Variants in CCNA1 observed in about 807,000 individuals in gnomAD.
CCNA1 encodes the protein cyclin-A1.
In CCNA1, 23 loss-of-function variants were observed where a neutral mutation model predicts 54.1. That is an observed-to-expected ratio of 0.42 (90% confidence interval 0.31 to 0.60). The LOEUF is 0.60. Among genes scored for constraint, CCNA1 ranks in the 20% least tolerant of loss-of-function variants. CCNA1 has a pLI of 0.14. For synonymous variants in CCNA1, 208 were observed against 213.9 expected, an observed-to-expected ratio of 0.97 and a Z score of 0.24; for missense variants, 450 against 556.7, an observed-to-expected ratio of 0.81 and a Z score of 1.93.
chr13:36,442,357 T>C, intron 8 of CCNA1, 53 bp downstream of exon 8: 6 of 1,567,412 alleles, frequency 3.8e-6, no homozygotes, highest in Non-Finnish European at 5.3e-6. Flanking sequence ...CTTAATGGGT[T>C]ATAGTAATGG....
At chr13:36,435,562 A>T (rs569783888) in intron 2 of CCNA1, among the ~76,000 whole-genome samples, 1 of 152,344 alleles carries the variant, frequency 6.6e-6, no homozygotes, top group Non-Finnish European at 1.5e-5. Flanking sequence ...TTTTCTACCT[A>T]GCTCATTGGC....
At chr13:36,433,897 A>C (rs1011594677) in intron 2 of CCNA1, among the ~76,000 whole-genome samples, 10 of 152,126 alleles carry the variant, frequency 6.6e-5, no homozygotes, top group African/African-American at 2.4e-4. Flanking sequence ...AATAGTGATT[A>C]GTTTTCTTTG....
At chr13:36,438,543 C>T in intron 4 of CCNA1, 101 bp from the exon 5 acceptor site, 1 of 815,364 alleles carries the variant, frequency 1.2e-6, no homozygotes, top group Non-Finnish European at 2.0e-6. Context: ...TGATCAGAAT[C>T]TTTCCAACCT....
intron 2 of CCNA1, among the ~76,000 whole-genome samples, chr13:36,436,844 G>T (rs568879157): frequency 7.2e-4 from 109 of 152,288 alleles, no homozygotes; most frequent in African/African-American, 2.5e-3. Flanking sequence ...TGTTAATGTG[G>T]TAGACAGAGC....
intron 2 of CCNA1, among the ~76,000 whole-genome samples, chr13:36,433,980 T>C (rs2055769400): frequency 6.6e-6 from 1 of 152,214 alleles, no homozygotes; most frequent in African/African-American, 2.4e-5. Context: ...ATTTAAGGGC[T>C]GGGCTAAAAG....
intron 2 of CCNA1, among the ~76,000 whole-genome samples, chr13:36,435,303 G>A (rs1322942304): frequency 6.6e-6 from 1 of 152,220 alleles, no homozygotes; most frequent in Non-Finnish European, 1.5e-5. Context: ...CCATCCAGGT[G>A]TTGATTTAGG....
chr13:36,438,613 C>A (rs78131831), intron 4 of CCNA1, 31 bp from the exon 5 acceptor site: 1 of 1,507,266 alleles, frequency 6.6e-7, no homozygotes, highest in Non-Finnish European at 9.2e-7. Context: ...GAAATTGCAA[C>A]TACTAAATAT....
rs752529559 is a variant in CCNA1, at chr13:36,437,610, AG to A, written c.298-18del. On this transcript the variant is annotated intron_variant, in intron 2 of 8. Transcript: ENST00000255465. ...GGTCTTTGACGTGGCCTCTAACAAA[AG>A]ATTTAAACGTTTTTTAGGGGATCAC... The A allele has an allele frequency of 4.3e-6, 7 of 1,611,904 alleles. No individual in the cohort carries two copies. The East Asian group carries it at 1.6e-4, about 36-fold the overall frequency.
intron 2 of CCNA1, 117 bp from the exon 3 acceptor site, chr13:36,437,490 TGGAATTAAATTGCCGACATAGA>T: frequency 2.5e-6 from 2 of 806,048 alleles, no homozygotes; most frequent in Non-Finnish European, 2.0e-6. Flanking sequence ...CTTTTTTTTT[TGGAATTAAATTGCCGACATAGA>T]TTTTTCAGTT....
Position 36,436,714 on chromosome 13 carries a change from G to A in CCNA1, c.298-915G>A, listed in dbSNP as rs1372336445. Among the ~76,000 whole-genome samples the A allele has an allele frequency of 3.9e-5, 6 of 152,096 alleles. No homozygotes were observed. In the East Asian group the frequency reaches 5.8e-4, roughly 15 times the overall value. On this transcript the variant is annotated intron_variant, in intron 2 of 8. Coordinates refer to ENST00000255465, the MANE Select transcript of CCNA1 (RefSeq NM_003914.4). Reference sequence around the variant, plus strand: ...CCCCCAATTACTACCATAAGTGTTCGTTTTCTTACAGACATAAGTCACCTA... The same window carrying A: ...CCCCCAATTACTACCATAAGTGTTCATTTTCTTACAGACATAAGTCACCTA...
chr13:36,441,112 G>A lies in CCNA1; in HGVS notation c.1099-6G>A, dbSNP rs1475718788. The stretch of plus-strand genomic sequence containing the variant: ...ATTCCAATGTGTTTTCTTCTCTTGT[G>A]CTTAGTACGTAGCAGAGCTGAGTCT... On this transcript the variant is annotated splice_region_variant and splice_polypyrimidine_tract_variant and intron_variant, in intron 6 of 8. Coordinates refer to ENST00000255465, the MANE Select transcript of CCNA1 (RefSeq NM_003914.4). 2.0e-6 allele frequency: 3 copies of A among 1,504,714 alleles called. No homozygotes were observed. The highest frequency in any genetic ancestry group is 2.8e-6 in the Non-Finnish European group (3 of 1,085,272). 93.2% of individuals were successfully genotyped at this position (1,504,714 alleles called of 1,614,324 possible). A position where few individuals can be genotyped will look rare whatever the true frequency, so the allele number is the denominator to read the frequency against.
In CCNA1 at chr13:36,433,545, C is replaced by CT. The variant is rs71711184; in HGVS notation, c.297+337dup. ...TTTTTTTCTTTCCTTTCCTTTCCTT[C>CT]TTTTTTTTTTTTTGAGACGGAGTTT... On this transcript the variant is annotated intron_variant, in intron 2 of 8. Coordinates refer to ENST00000255465, the MANE Select transcript of CCNA1 (RefSeq NM_003914.4). Among the ~76,000 whole-genome samples the CT allele has an allele frequency of 4.9e-3, 511 of 104,122 alleles. 8 individuals are homozygous for CT. The highest frequency in any genetic ancestry group is 0.012 in the African/African-American group (315 of 27,072). The allele number at this position is 104,122 out of a possible 152,430, so 68.3% of individuals were successfully genotyped here.
Position 36,442,733 on chromosome 13 carries a change from T to C in CCNA1, c.*68T>C. 7.9e-7 allele frequency: 1 copy of C among 1,261,430 alleles called. No homozygotes were observed. The allele number at this position is 1,261,430 out of a possible 1,614,324, so 78.1% of individuals were successfully genotyped here. ...GAAGTGCCAATAATCGTCATAGGCT[T>C]CTGCACGTTGGATCAACTAATGTTG... On this transcript the variant is annotated 3_prime_UTR_variant, in exon 9 of 9. Transcript: ENST00000255465.
At chr13:36,437,588 C>T (rs1593323672) in intron 2 of CCNA1, 41 bp from the exon 3 acceptor site, 3 of 1,600,404 alleles carry the variant, frequency 1.9e-6, no homozygotes, top group Middle Eastern at 1.7e-4. Context: ...CCTCTGTGGT[C>T]TTTGACGTGG....
chr13:36,436,998 T>A (rs1000039439), intron 2 of CCNA1, among the ~76,000 whole-genome samples: 2 of 152,170 alleles, frequency 1.3e-5, no homozygotes, highest in Admixed American at 1.3e-4. Context: ...GGCACCACAG[T>A]TGTTCCCATT....
chr13:36,433,288 C>A, intron 2 of CCNA1, 67 bp downstream of exon 2: 1 of 1,339,630 alleles, frequency 7.5e-7, no homozygotes, highest in Non-Finnish European at 1.0e-6. Flanking sequence ...GTGCCAGGTG[C>A]TTTTCTCTTG....
At position 36,433,096 on chromosome 13, in the gene CCNA1, A is replaced by G. The variant is rs370964964; in HGVS notation, c.172A>G (p.Thr58Ala). ...CCCCAAGAGTGGAGTTGTGCTGGCT[A>G]CAGTGGCCCGAGGTCCCGATGCTTG... is the stretch of plus-strand genomic sequence containing the variant. The change falls in exon 2 of 9, where the codon ACA becomes GCA. Residue 58 changes from threonine to alanine, a missense_variant. Thr to Ala is a moderately conservative substitution (Grantham distance 58, BLOSUM62 0). This residue lies in a region of CCNA1 where 103 missense variants were observed against 100.9 expected (regional missense o/e 1.02). Transcript: ENST00000255465. 2.5e-6 allele frequency: 4 copies of G among 1,614,082 alleles called. No homozygotes were observed. Among genetic ancestry groups the G allele is most frequent in the Non-Finnish European group, 2.5e-6 (3 of 1,180,030 alleles).
chr13:36,435,407 T>A (rs1203134650), intron 2 of CCNA1, among the ~76,000 whole-genome samples: 1 of 152,240 alleles, frequency 6.6e-6, no homozygotes, highest in East Asian at 1.9e-4. Flanking sequence ...GTTCTCTGTC[T>A]CTAGTTCTTT....
At chr13:36,439,439 T>C (rs1017459689) in intron 5 of CCNA1, among the ~76,000 whole-genome samples, 1 of 152,182 alleles carries the variant, frequency 6.6e-6, no homozygotes, top group Non-Finnish European at 1.5e-5. Context: ...GCAGAAAAAC[T>C]TGCCAAAATT....
Sources: allele counts gnomAD v4.1 joint callset (sites outside exome capture counted in the v4.1 genomes callset), GRCh38; gene constraint gnomAD v4.1.1; regional missense constraint gnomAD v4.1.1; transcripts MANE v1.5; gene names NCBI Gene and HGNC (gene_info 2026-07-23, HGNC 2026-07-21).